Variants in C8orf34 observed in about 807,000 individuals in gnomAD.
The protein encoded by C8orf34 is uncharacterized protein C8orf34.
Under a neutral mutation model 68.3 loss-of-function variants are expected in C8orf34, and 65 were observed. The observed-to-expected ratio is 0.95, with a 90% CI of 0.78 to 1.17. C8orf34 has a LOEUF of 1.17. Among genes scored for constraint, C8orf34 ranks in the 50% most tolerant of loss-of-function variants. The pLI is 0.00. For missense variants in C8orf34, 664 were observed against 655.4 expected (o/e 1.01, Z -0.14); for synonymous variants, 244 against 241.2 (o/e 1.01, Z -0.11).
At chr8:68,769,566 C>T (rs552892273) in intron 10 of C8orf34, among the ~76,000 whole-genome samples, 40 of 152,130 alleles carry the variant, frequency 2.6e-4, no homozygotes, top group African/African-American at 8.7e-4. Context: ...CTTACAAACT[C>T]GAAGTAATCA....
chr8:68,671,635 A>G (rs142743000), intron 8 of C8orf34, among the ~76,000 whole-genome samples: 38 of 152,318 alleles, frequency 2.5e-4, no homozygotes, highest in East Asian at 3.9e-4. Flanking sequence ...TTCAATTTGT[A>G]GTTGTGTTAA....
At chr8:68,568,118 T>G (rs1373305962) in intron 7 of C8orf34, among the ~76,000 whole-genome samples, 1 of 152,150 alleles carries the variant, frequency 6.6e-6, no homozygotes, top group Non-Finnish European at 1.5e-5. Flanking sequence ...CCATCTTATA[T>G]GGACAGAGTT....
Position 68,653,188 on chromosome 8 carries a change from T to C in C8orf34, c.1241+12677T>C, listed in dbSNP as rs182424120. 4.2e-3 allele frequency among the ~76,000 whole-genome samples: 636 copies of C among 152,332 alleles called. 8 individuals carry two copies. The highest frequency in any genetic ancestry group is 0.014 in the African/African-American group (576 of 41,578). On this transcript the variant is annotated intron_variant, in intron 8 of 13. Coordinates refer to ENST00000518698, the MANE Select transcript of C8orf34 (RefSeq NM_052958.4). ...AACCGCAGTAAACTTTTGGGATACC[T>C]TATAGAAAATTATGCAAACAATAAA... is the stretch of plus-strand genomic sequence containing the variant.
intron 7 of C8orf34, among the ~76,000 whole-genome samples, chr8:68,545,392 T>C (rs1386473471): frequency 1.3e-5 from 2 of 152,100 alleles, no homozygotes; most frequent in Non-Finnish European, 2.9e-5. Flanking sequence ...AATTACCTAG[T>C]CACAGGTGTG....
At chr8:68,587,697 C>G (rs2130400275) in intron 7 of C8orf34, among the ~76,000 whole-genome samples, 1 of 152,206 alleles carries the variant, frequency 6.6e-6, no homozygotes, top group East Asian at 1.9e-4. Context: ...AATGCATATT[C>G]CTTTATTCTT....
intron 7 of C8orf34, among the ~76,000 whole-genome samples, chr8:68,539,891 A>C (rs964427630): frequency 1.3e-5 from 2 of 152,106 alleles, no homozygotes; most frequent in East Asian, 3.8e-4. Flanking sequence ...TACTAAATAC[A>C]TGTTAACGGA....
intron 7 of C8orf34, among the ~76,000 whole-genome samples, chr8:68,602,006 A>G (rs1586433458): frequency 1.3e-5 from 2 of 152,076 alleles, no homozygotes; most frequent in East Asian, 3.9e-4. Flanking sequence ...CTCCCCCACC[A>G]TCAGGTCATC....
intron 3 of C8orf34, chr8:68,446,795 G>A (rs571818088): frequency 3.9e-4 from 119 of 301,300 alleles, no homozygotes; most frequent in Non-Finnish European, 6.4e-4. Flanking sequence ...ATTTAATGAA[G>A]TATGTAAAAG....
At chr8:68,482,003 A>T (rs1009147210) in intron 4 of C8orf34, among the ~76,000 whole-genome samples, 2 of 152,052 alleles carry the variant, frequency 1.3e-5, no homozygotes, top group African/African-American at 4.8e-5. Flanking sequence ...ATTGATATGG[A>T]TTGGCTGTGT....
At chr8:68,414,087 A>G (rs919545704) in intron 1 of C8orf34, among the ~76,000 whole-genome samples, 1 of 152,150 alleles carries the variant, frequency 6.6e-6, no homozygotes, top group Non-Finnish European at 1.5e-5. Flanking sequence ...GTCTGATTCT[A>G]GTTTTTACCT....
chr8:68,737,418 T>C (rs1822152292), intron 10 of C8orf34, among the ~76,000 whole-genome samples: 2 of 151,990 alleles, frequency 1.3e-5, no homozygotes, highest in Non-Finnish European at 2.9e-5. Flanking sequence ...CATTTTCATC[T>C]CTAAATAAAA....
chr8:68,802,198 TC>T (rs1202474429), intron 12 of C8orf34, among the ~76,000 whole-genome samples: 1 of 152,124 alleles, frequency 6.6e-6, no homozygotes, highest in Non-Finnish European at 1.5e-5. Context: ...CCTCCCAAGT[TC>T]AAGTGATTCT....
chr8:68,793,613 A>G (rs940542047), intron 12 of C8orf34, among the ~76,000 whole-genome samples: 5 of 152,208 alleles, frequency 3.3e-5, no homozygotes, highest in Admixed American at 6.5e-5. Flanking sequence ...GAGCTGAATG[A>G]TGAGAACACA....
At chr8:68,568,478 C>T (rs1816666191) in intron 7 of C8orf34, among the ~76,000 whole-genome samples, 1 of 151,798 alleles carries the variant, frequency 6.6e-6, no homozygotes, top group African/African-American at 2.4e-5. Flanking sequence ...AAATGTGACA[C>T]AGACACGAAG....
intron 7 of C8orf34, among the ~76,000 whole-genome samples, chr8:68,586,972 T>C (rs1817228160): frequency 6.6e-6 from 1 of 152,160 alleles, no homozygotes; most frequent in Admixed American, 6.6e-5. Flanking sequence ...ATACTCTCTA[T>C]GGTCTGCTAA....
chr8:68,430,485 C>T (rs368879063), intron 1 of C8orf34, among the ~76,000 whole-genome samples: 1 of 152,220 alleles, frequency 6.6e-6, no homozygotes, highest in Admixed American at 6.5e-5. Context: ...TATGGGTGGC[C>T]TAGGACTTTT....
intron 5 of C8orf34, among the ~76,000 whole-genome samples, chr8:68,510,950 C>T (rs1053591641): frequency 1.4e-4 from 21 of 152,188 alleles, no homozygotes; most frequent in African/African-American, 4.6e-4. Context: ...GAACCCTGTA[C>T]AGGGACTGCA....
intron 10 of C8orf34, among the ~76,000 whole-genome samples, chr8:68,745,713 A>C (rs1822466701): frequency 6.6e-6 from 1 of 152,174 alleles, no homozygotes; most frequent in Non-Finnish European, 1.5e-5. Context: ...CACCCAATAC[A>C]GGAGCACCCA....
rs139038901 is a variant in C8orf34 at position 68,388,258 on chromosome 8, T to C, written c.328-51241T>C. Among the ~76,000 whole-genome samples, 11 of 152,266 alleles carry C rather than the reference T, an allele frequency of 7.2e-5. No homozygotes were observed. In the East Asian group the frequency reaches 2.1e-3, roughly 29 times the overall value. Reference sequence around the variant, plus strand: ...AGGATAAAGTGCAATTACTAATATTTTGTATTTGGCAAACTCAGTCCTTAA... The same window carrying C: ...AGGATAAAGTGCAATTACTAATATTCTGTATTTGGCAAACTCAGTCCTTAA... On this transcript the variant is annotated intron_variant, in intron 1 of 13. Transcript: ENST00000518698.
Sources: allele counts gnomAD v4.1 joint callset (sites outside exome capture counted in the v4.1 genomes callset), GRCh38; gene constraint gnomAD v4.1.1; transcripts MANE v1.5; gene names NCBI Gene and HGNC (gene_info 2026-07-23, HGNC 2026-07-21).